ZNF555: variants seen among roughly 807,000 people sequenced by gnomAD.
The protein encoded by ZNF555 is zinc finger protein 555.
Under a neutral mutation model 14.0 loss-of-function variants are expected in ZNF555, and 10 were observed. The ratio of observed to expected loss-of-function variants is 0.72; its 90% CI spans 0.44 to 1.21. The LOEUF is 1.21. Among genes scored for constraint, ZNF555 ranks in the 50% most tolerant of loss-of-function variants. ZNF555 has a pLI of 0.00. For missense variants in ZNF555, 747 were observed against 762.0 expected, an observed-to-expected ratio of 0.98 and a Z score of 0.23; for synonymous variants, 277 against 262.4, an observed-to-expected ratio of 1.06 and a Z score of -0.54.
In ZNF555 at chr19:2,854,425, G is replaced by A. The variant is rs1490167489; in HGVS notation, c.*473G>A. On this transcript the variant is annotated 3_prime_UTR_variant, in exon 4 of 4. Coordinates refer to ENST00000334241, the MANE Select transcript of ZNF555 (RefSeq NM_152791.5). ...TTTGCTTGTGATTGTGAATTGGACAGTAGGCTTTGACTTGTGATGTGACGG... is the reference window on the plus strand; with the variant it reads ...TTTGCTTGTGATTGTGAATTGGACAATAGGCTTTGACTTGTGATGTGACGG... 3 of 167,972 alleles carry A rather than the reference G, an allele frequency of 1.8e-5. No homozygotes were observed. Among genetic ancestry groups the A allele is most frequent in the Non-Finnish European group, 3.9e-5 (3 of 77,388 alleles). 10.4% of individuals were successfully genotyped at this position (167,972 alleles called of 1,614,324 possible).
At chr19:2,847,160 C>T (rs1168161385) in intron 1 of ZNF555, 1 of 152,158 alleles carries the variant, frequency 6.6e-6, no homozygotes, top group Admixed American at 6.5e-5. Flanking sequence ...AAATATTTTA[C>T]CATTTTCTCT....
rs1301529333 is a variant in ZNF555, at chr19:2,853,760, A to G, written c.1695A>G (p.Gln565=). 7 of 1,606,186 alleles carry G rather than the reference A, an allele frequency of 4.4e-6. No individual in the cohort carries two copies. Among genetic ancestry groups the G allele is most frequent in the South Asian group, 1.1e-5 (1 of 89,550 alleles). Residue 565 remains glutamine (Q), a synonymous_variant, in exon 4 of 4, where the codon CAA becomes CAG. Transcript: ENST00000334241. ...MRLHTGEKPY[Q]CKHCGKAFNC... ...TGCACACTGGAGAGAAACCTTATCA[A>G]TGTAAGCATTGTGGGAAAGCATTCA...
chr19:2,843,256 T>G (rs1000318270), intron 1 of ZNF555, among the ~76,000 whole-genome samples: 2 of 152,148 alleles, frequency 1.3e-5, no homozygotes, highest in African/African-American at 4.8e-5. Context: ...CTCCACCTCC[T>G]GGGCTCAAGC....
At chr19:2,843,005 TGC>T (rs771798216) in intron 1 of ZNF555, among the ~76,000 whole-genome samples, 2 of 151,416 alleles carry the variant, frequency 1.3e-5, no homozygotes, top group African/African-American at 2.4e-5. Context: ...AACGCGCCAT[TGC>T]ACTCCAGCCT....
Position 2,852,324 on chromosome 19 carries a change from A to G in ZNF555, c.315-56A>G, listed in dbSNP as rs936872775. On this transcript the variant is annotated intron_variant, in intron 3 of 3. Transcript: ENST00000334241. ...ATGGTTAAGATGCAGTCCTAATCCT[A>G]ATAAATACTAACAAATCATTATTAA... 20 of 1,602,948 alleles carry G rather than the reference A, an allele frequency of 1.2e-5. No individual in the cohort carries two copies. The Middle Eastern group carries it at 6.6e-4, about 53-fold the overall frequency.
rs758432220 is a variant in ZNF555, at chr19:2,852,604, C to T, written c.539C>T (p.Ala180Val). Residue 180 changes from alanine (A) to valine (V), a missense_variant, in exon 4 of 4, where the codon GCC (alanine) becomes GTC (valine). Coordinates refer to ENST00000334241, the MANE Select transcript of ZNF555 (RefSeq NM_152791.5). Reference sequence around the variant, plus strand: ...TATCAGTGCCAGGAATGTGGGCAGGCCTACAGTTGTCGTTCACACCTAAGA... The same window carrying T: ...TATCAGTGCCAGGAATGTGGGCAGGTCTACAGTTGTCGTTCACACCTAAGA... ...KPYQCQECGQ[A>V]YSCRSHLRMH... The T allele has an allele frequency of 6.2e-7, 1 of 1,614,158 alleles. No individual in the cohort carries two copies. The highest frequency in any genetic ancestry group is 1.1e-5 in the South Asian group (1 of 91,078).
rs772454399 is a variant in ZNF555, at chr19:2,853,810, A to C, written c.1745A>C (p.His582Pro). The C allele has an allele frequency of 6.2e-7, 1 of 1,613,320 alleles. No individual in the cohort carries two copies. The highest frequency in any genetic ancestry group is 1.7e-5 in the Admixed American group (1 of 59,918). Residue 582 changes from histidine (H) to proline (P), a missense_variant, in exon 4 of 4, where the codon CAT becomes CCT. Coordinates refer to ENST00000334241, the MANE Select transcript of ZNF555 (RefSeq NM_152791.5). ...AFNCSSSLRRHVRIHTTEKQY... is the reference protein window; with the variant it reads ...AFNCSSSLRRPVRIHTTEKQY... The stretch of plus-strand genomic sequence containing the variant: ...AATTGTTCCTCATCCTTAAGGCGAC[A>C]TGTGAGAATACACACTACAGAAAAA...
Position 2,852,985 on chromosome 19 carries a change from C to T in ZNF555, c.920C>T (p.Thr307Ile). The change falls in exon 4 of 4, where the codon ACT (threonine) becomes ATT (isoleucine). Residue 307 changes from threonine (T) to isoleucine (I), a missense_variant. Transcript: ENST00000334241. ...STFRRHMISH[T>I]GEKPHKCKEC... ...TTTCGAAGACATATGATTTCACACA[C>T]TGGAGAGAAGCCACATAAATGTAAA... 6.2e-7 allele frequency: 1 copy of T among 1,614,208 alleles called. No homozygotes were observed.
intron 3 of ZNF555, 107 bp from the exon 4 acceptor site, chr19:2,852,273 G>T: frequency 7.3e-7 from 1 of 1,376,252 alleles, no homozygotes; most frequent in South Asian, 1.3e-5. Flanking sequence ...TTCCCATGGG[G>T]TGAAAAACCT....
rs1367535344 is a variant in ZNF555, at chr19:2,850,709, A to G, written c.126A>G (p.Ser42=). The change falls in exon 2 of 4, where the codon TCA becomes TCG. Residue 42 remains serine, a synonymous_variant. Coordinates refer to ENST00000334241, the MANE Select transcript of ZNF555 (RefSeq NM_152791.5). Reference sequence around the variant, plus strand: ...TGGAGACCTTTCAGAACCTGGCCTCAGTAGGTAAGGATGACATCATTCCTT... The same window carrying G: ...TGGAGACCTTTCAGAACCTGGCCTCGGTAGGTAAGGATGACATCATTCCTT... ...VMLETFQNLA[S]VDDETQFKAS... 7.4e-6 allele frequency: 12 copies of G among 1,613,396 alleles called. No individual in the cohort carries two copies. Among genetic ancestry groups the G allele is most frequent in the Non-Finnish European group, 1.0e-5 (12 of 1,179,578 alleles).
rs2144867756 is a variant in ZNF555, at chr19:2,859,803, A to G, written c.*5851A>G. ...CCTTCCACAAGGGATGGATGTGAAGACAACTCATTCTTTGATGTTCAGATG... is the reference window on the plus strand; with the variant it reads ...CCTTCCACAAGGGATGGATGTGAAGGCAACTCATTCTTTGATGTTCAGATG... On this transcript the variant is annotated 3_prime_UTR_variant, in exon 4 of 4. Transcript: ENST00000334241. 1 of 152,350 alleles carries G rather than the reference A, an allele frequency of 6.6e-6. No homozygotes were observed. The highest frequency in any genetic ancestry group is 2.4e-5 in the African/African-American group (1 of 41,546). 9.4% of individuals were successfully genotyped at this position (152,350 alleles called of 1,614,324 possible).
chr19:2,853,827 A>G lies in ZNF555; in HGVS notation c.1762A>G (p.Thr588Ala). 2 of 1,613,868 alleles carry G rather than the reference A, an allele frequency of 1.2e-6. No individual in the cohort carries two copies. The highest frequency in any genetic ancestry group is 2.2e-5 in the East Asian group (1 of 44,886). ...AAGGCGACATGTGAGAATACACACT[A>G]CAGAAAAACAGTATAAGTGTAATGT... ...SLRRHVRIHT[T>A]EKQYKCNVGH... Residue 588 changes from threonine to alanine, a missense_variant, in exon 4 of 4, where the codon ACA becomes GCA. Transcript: ENST00000334241.
chr19:2,847,036 G>A (rs1406900195), intron 1 of ZNF555, among the ~76,000 whole-genome samples: 2 of 152,138 alleles, frequency 1.3e-5, no homozygotes, highest in Non-Finnish European at 2.9e-5. Flanking sequence ...AATACTTAGA[G>A]TTTAAATTCC....
intron 1 of ZNF555, among the ~76,000 whole-genome samples, chr19:2,850,247 C>T (rs537934788): frequency 1.3e-5 from 2 of 152,234 alleles, no homozygotes; most frequent in South Asian, 2.1e-4. Flanking sequence ...GGAGCTAAAA[C>T]GGTTTGTGTG....
intron 1 of ZNF555, among the ~76,000 whole-genome samples, chr19:2,850,099 A>G (rs934050162): frequency 6.6e-6 from 1 of 152,234 alleles, no homozygotes; most frequent in Admixed American, 6.5e-5. Flanking sequence ...GGAGTTCTTT[A>G]AGACGCTATG....
At chr19:2,850,135 A>G (rs1167827176) in intron 1 of ZNF555, among the ~76,000 whole-genome samples, 1 of 152,248 alleles carries the variant, frequency 6.6e-6, no homozygotes, top group African/African-American at 2.4e-5. Flanking sequence ...TGAAGGAAAT[A>G]GAAGGGAATG....
At chr19:2,851,787 A>T in intron 3 of ZNF555, 136 bp downstream of exon 3, 1 of 766,364 alleles carries the variant, frequency 1.3e-6, no homozygotes, top group Non-Finnish European at 1.9e-6. Flanking sequence ...TTTTTACAAA[A>T]AAATATTTCT....
intron 3 of ZNF555, 105 bp from the exon 4 acceptor site, chr19:2,852,275 G>A: frequency 7.0e-7 from 1 of 1,423,746 alleles, no homozygotes; most frequent in East Asian, 2.3e-5. Flanking sequence ...CCCATGGGGT[G>A]AAAAACCTAT....
chr19:2,841,610 G>GTTT, intron 1 of ZNF555, 35 bp downstream of exon 1: 4 of 1,483,760 alleles, frequency 2.7e-6, no homozygotes, highest in Admixed American at 2.3e-5. Flanking sequence ...CCGGTGCGGG[G>GTTT]CAGCAGGAAC....
Sources: allele counts gnomAD v4.1 joint callset (sites outside exome capture counted in the v4.1 genomes callset), GRCh38; gene constraint gnomAD v4.1.1; transcripts MANE v1.5; gene names NCBI Gene and HGNC (gene_info 2026-07-23, HGNC 2026-07-21).